ATRN: variants seen among roughly 807,000 people sequenced by gnomAD.
The protein encoded by ATRN is attractin-2.
Under a neutral mutation model 178.7 loss-of-function variants are expected in ATRN, and 54 were observed. That is an observed-to-expected ratio of 0.30 (90% CI 0.24 to 0.38). ATRN has a LOEUF of 0.38. Ranked by LOEUF, ATRN falls within the 10% of genes least tolerant of loss-of-function variation. The pLI, the probability that ATRN is intolerant of heterozygous loss-of-function variation, is 1.00. For missense variants in ATRN, 1,443 were observed against 1,815.1 expected (o/e 0.79, Z 3.73); for synonymous variants, 636 against 663.0 (o/e 0.96, Z 0.63).
chr20:3,599,273 C>T (rs1438389375), intron 22 of ATRN, among the ~76,000 whole-genome samples: 3 of 152,102 alleles, frequency 2.0e-5, no homozygotes, highest in African/African-American at 7.2e-5. Context: ...TTCACTGCCT[C>T]ATAAGCAAGC....
intron 19 of ATRN, 96 bp downstream of exon 19, chr20:3,591,402 T>C: frequency 1.4e-6 from 2 of 1,394,686 alleles, no homozygotes; most frequent in East Asian, 2.4e-5. Flanking sequence ...AGCCACTTTG[T>C]TTTGGATACC....
intron 1 of ATRN, among the ~76,000 whole-genome samples, chr20:3,501,735 G>A (rs949443551): frequency 6.6e-6 from 1 of 152,182 alleles, no homozygotes. Flanking sequence ...TTTTCCCTTG[G>A]GGGGACTGGC....
At chr20:3,552,195 G>C (rs1196557904) in intron 6 of ATRN, among the ~76,000 whole-genome samples, 1 of 152,100 alleles carries the variant, frequency 6.6e-6, no homozygotes, top group Non-Finnish European at 1.5e-5. Flanking sequence ...TGTCAGACCA[G>C]GGCTTAACCC....
intron 24 of ATRN, among the ~76,000 whole-genome samples, chr20:3,613,843 A>G (rs947611399): frequency 1.5e-5 from 2 of 134,792 alleles, no homozygotes; most frequent in African/African-American, 3.7e-5. Context: ...AAAAATTGAG[A>G]TTCTCATTTT....
At chr20:3,607,731 A>G (rs528201599) in intron 24 of ATRN, among the ~76,000 whole-genome samples, 1 of 152,206 alleles carries the variant, frequency 6.6e-6, no homozygotes, top group African/African-American at 2.4e-5. Context: ...TTTCTTTTGG[A>G]TATATACCCA....
Position 3,471,437 on chromosome 20 carries a change from C to T in ATRN, c.330C>T (p.Arg110=). The T allele has an allele frequency of 6.8e-7, 1 of 1,460,190 alleles. No homozygotes were observed. Among genetic ancestry groups the T allele is most frequent in the Non-Finnish European group, 9.0e-7 (1 of 1,113,766 alleles). 90.5% of individuals were successfully genotyped at this position (1,460,190 alleles called of 1,614,324 possible). The change falls in exon 1 of 29, where the codon CGC becomes CGT. Residue 110 remains arginine, a synonymous_variant. Coordinates refer to ENST00000262919, the MANE Select transcript of ATRN (RefSeq NM_139321.3). The stretch of plus-strand genomic sequence containing the variant: ...ACCGGCCCTGTGTCAACGGCGGTCG[C>T]TGCAACCCTGGCACCGGCCAGTGCG... The part of the protein sequence containing the change: ...ECDRPCVNGG[R]CNPGTGQCVC...
chr20:3,535,329 G>A lies in ATRN; in HGVS notation c.487G>A (p.Glu163Lys). The A allele has an allele frequency of 6.5e-7, 1 of 1,534,698 alleles. No homozygotes were observed. The highest frequency in any genetic ancestry group is 8.8e-7 in the Non-Finnish European group (1 of 1,131,446). The stretch of plus-strand genomic sequence containing the variant: ...CAAAACGAAGTGCACGTGGCTCATT[G>A]AAGGACAGTAAGTAGAAATGGCTGA... Reference protein sequence around the residue: ...KYKTKCTWLIEGQPNRIMRLR... With the variant: ...KYKTKCTWLIKGQPNRIMRLR... Residue 163 changes from glutamate to lysine, a missense_variant, in exon 2 of 29, where the codon GAA (glutamate) becomes AAA (lysine). Physicochemically the swap from Glu to Lys is moderately conservative, Grantham distance 56. This residue lies in a region of ATRN where 862 missense variants were observed against 972.1 expected (regional missense o/e 0.89). Coordinates refer to ENST00000262919, the MANE Select transcript of ATRN (RefSeq NM_139321.3).
At chr20:3,625,546 T>C (rs1435358107) in intron 25 of ATRN, among the ~76,000 whole-genome samples, 4 of 152,206 alleles carry the variant, frequency 2.6e-5, no homozygotes. Context: ...CACTATACTC[T>C]TGCTGATGTA....
chr20:3,544,227 C>T (rs1031727289), intron 3 of ATRN, among the ~76,000 whole-genome samples: 1 of 152,112 alleles, frequency 6.6e-6, no homozygotes, highest in Non-Finnish European at 1.5e-5. Flanking sequence ...ATCAGAATGC[C>T]TGTTGAGCTT....
At chr20:3,566,611 G>C (rs1419325060) in intron 11 of ATRN, among the ~76,000 whole-genome samples, 1 of 152,010 alleles carries the variant, frequency 6.6e-6, no homozygotes, top group Non-Finnish European at 1.5e-5. Flanking sequence ...CTTAGATTAG[G>C]AAAGATGAGA....
chr20:3,556,530 G>C (rs1477334385), intron 6 of ATRN, among the ~76,000 whole-genome samples: 1 of 152,118 alleles, frequency 6.6e-6, no homozygotes, highest in Non-Finnish European at 1.5e-5. Context: ...GGTACATGAT[G>C]GTCATTGGCT....
In ATRN at chr20:3,535,350, G is replaced by T; in HGVS notation, c.494+14G>T. 2 of 1,472,088 alleles carry T rather than the reference G, an allele frequency of 1.4e-6. No individual in the cohort carries two copies. Among genetic ancestry groups the T allele is most frequent in the Non-Finnish European group, 1.8e-6 (2 of 1,093,224 alleles). 91.2% of individuals were successfully genotyped at this position (1,472,088 alleles called of 1,614,324 possible). On this transcript the variant is annotated intron_variant, in intron 2 of 28. Coordinates refer to ENST00000262919, the MANE Select transcript of ATRN (RefSeq NM_139321.3). ...CATTGAAGGACAGTAAGTAGAAATG[G>T]CTGACTTAATTTTTGTTTTTTTAGC...
intron 13 of ATRN, among the ~76,000 whole-genome samples, 195 bp downstream of exon 13, chr20:3,576,143 T>G (rs1327815659): frequency 6.6e-6 from 1 of 152,108 alleles, no homozygotes; most frequent in Non-Finnish European, 1.5e-5. Flanking sequence ...CCCTGGGAAT[T>G]TGTGTATTGT....
At chr20:3,528,712 CTAAAA>C (rs140261548) in intron 1 of ATRN, among the ~76,000 whole-genome samples, 34,386 of 151,720 alleles carry the variant, frequency 0.23, 4,411 homozygotes, top group African/African-American at 0.32. Context: ...CCCCTTGAAC[CTAAAA>C]TAAAAGTTAG....
chr20:3,529,088 A>G (rs1349700697), intron 1 of ATRN, among the ~76,000 whole-genome samples: 1 of 152,200 alleles, frequency 6.6e-6, no homozygotes, highest in Non-Finnish European at 1.5e-5. Flanking sequence ...TGCTGAGATT[A>G]TAGACATAAG....
At chr20:3,486,173 T>C (rs2084691112) in intron 1 of ATRN, among the ~76,000 whole-genome samples, 1 of 152,108 alleles carries the variant, frequency 6.6e-6, no homozygotes, top group Admixed American at 6.5e-5. Flanking sequence ...TTTAGCTTCT[T>C]ACTCTGGAAA....
chr20:3,620,308 G>A (rs1050854617), intron 24 of ATRN, among the ~76,000 whole-genome samples: 1 of 152,032 alleles, frequency 6.6e-6, no homozygotes, highest in Non-Finnish European at 1.5e-5. Flanking sequence ...GCAGTGGTGC[G>A]ATCTTGGCTT....
At chr20:3,537,753 CAT>C (rs1218998487) in intron 2 of ATRN, among the ~76,000 whole-genome samples, 1 of 150,538 alleles carries the variant, frequency 6.6e-6, no homozygotes, top group African/African-American at 2.4e-5. Flanking sequence ...TAAGTGAGAA[CAT>C]GTGGTGTTTG....
chr20:3,582,996 A>G (rs1166072763), intron 16 of ATRN, among the ~76,000 whole-genome samples: 1 of 152,220 alleles, frequency 6.6e-6, no homozygotes, highest in Non-Finnish European at 1.5e-5. Flanking sequence ...CTCCTCCTGC[A>G]GAGGGACTCA....
Sources: gnomAD v4.1 joint callset for allele counts (sites outside exome capture counted in the v4.1 genomes callset) on GRCh38, gnomAD v4.1.1 for gene constraint, gnomAD v4.1.1 regional missense constraint, MANE v1.5 for transcripts, NCBI Gene and HGNC (gene_info 2026-07-23, HGNC 2026-07-21) for gene names.